Variants in ARPP21 observed in about 807,000 individuals in gnomAD.
The protein encoded by ARPP21 is cAMP-regulated phosphoprotein 21.
In ARPP21, 69 loss-of-function variants were observed where a neutral mutation model predicts 113.2. The observed-to-expected ratio is 0.61, with a 90% confidence interval of 0.50 to 0.74. The LOEUF (loss-of-function observed/expected upper bound fraction) is 0.74. Ranked by LOEUF, ARPP21 falls within the 30% of genes least tolerant of loss-of-function variation. The pLI is 0.00. For synonymous variants in ARPP21, 368 were observed against 375.5 expected (o/e 0.98, Z 0.23); for missense variants, 1,070 against 1,037.4 (o/e 1.03, Z -0.43).
chr3:35,678,082 A>G (rs1171218364), intron 1 of ARPP21, among the ~76,000 whole-genome samples: 9 of 151,960 alleles, frequency 5.9e-5, no homozygotes. Flanking sequence ...ACATATATCC[A>G]GGCTGTCCCT....
At chr3:35,688,527 AC>A (rs2149584735) in intron 6 of ARPP21, among the ~76,000 whole-genome samples, 1 of 151,750 alleles carries the variant, frequency 6.6e-6, no homozygotes, top group Admixed American at 6.6e-5. Flanking sequence ...ATGGTACAAA[AC>A]AAAACTAAGT....
At position 35,667,841 on chromosome 3, in the gene ARPP21, AAAGAAGAAGAAGAAG is replaced by A. The variant is rs757542723; in HGVS notation, c.-212-11911_-212-11897del. On this transcript the variant is annotated intron_variant, in intron 1 of 20. Transcript: ENST00000684406. ...GATCACCTGCAGTACTTTTATTCTCAAAGAAGAAGAAGAAGAAGAAGAAGAAGAAGAAGAAGAAGA... is the reference window on the plus strand; with the variant it reads ...GATCACCTGCAGTACTTTTATTCTCAAAGAAGAAGAAGAAGAAGAAGAAGA... 8.6e-5 allele frequency among the ~76,000 whole-genome samples: 7 copies of A among 81,544 alleles called. 1 individual carries two copies. Among genetic ancestry groups the A allele is most frequent in the South Asian group, 4.6e-4 (1 of 2,172 alleles). 53.5% of individuals were successfully genotyped at this position (81,544 alleles called of 152,430 possible).
In ARPP21 at chr3:35,674,531, G is replaced by A. The variant is rs368625344; in HGVS notation, c.-212-5256G>A. 8.6e-5 allele frequency among the ~76,000 whole-genome samples: 13 copies of A among 151,802 alleles called. No individual in the cohort carries two copies. The East Asian group carries it at 2.2e-3, about 25-fold the overall frequency. ...TTGTTCCACATTAAAAAATTATGATGCCTACCTACAAAACCTGGGTATACT... is the reference window on the plus strand; with the variant it reads ...TTGTTCCACATTAAAAAATTATGATACCTACCTACAAAACCTGGGTATACT... On this transcript the variant is annotated intron_variant, in intron 1 of 20. Coordinates refer to ENST00000684406, the MANE Select transcript of ARPP21 (RefSeq NM_001385562.1).
At position 35,707,354 on chromosome 3, in the gene ARPP21, G is replaced by T. The variant is rs575867966; in HGVS notation, c.795+272G>T. ...GCAGTTTCCGCTGCATGTCTGGGAG[G>T]GTCGGGATGCCACAGGCTCCGAGCT... On this transcript the variant is annotated intron_variant, in intron 10 of 20. Coordinates refer to ENST00000684406, the MANE Select transcript of ARPP21 (RefSeq NM_001385562.1). The T allele has an allele frequency of 2.5e-3, 1,528 of 607,740 alleles. 4 individuals carry two copies. The highest frequency in any genetic ancestry group is 3.1e-3 in the Non-Finnish European group (1,015 of 323,934). The allele number at this position is 607,740 out of a possible 1,614,324, so 37.6% of individuals were successfully genotyped here.
At chr3:35,771,129 C>T (rs185195772) in intron 19 of ARPP21, among the ~76,000 whole-genome samples, 8 of 152,216 alleles carry the variant, frequency 5.3e-5, no homozygotes, top group Admixed American at 1.3e-4. Context: ...TCTCTTTTGT[C>T]GAGTGCTATC....
chr3:35,685,786 G>A, intron 5 of ARPP21: 1 of 900,186 alleles, frequency 1.1e-6, no homozygotes, highest in Non-Finnish European at 1.3e-6. Context: ...TACTGTTGTT[G>A]GATATAAACT....
At chr3:35,772,868 C>T (rs2096248914) in intron 19 of ARPP21, among the ~76,000 whole-genome samples, 2 of 152,164 alleles carry the variant, frequency 1.3e-5, no homozygotes, top group Non-Finnish European at 2.9e-5. Flanking sequence ...GTGCCAGAGT[C>T]TGGATCAGCT....
At chr3:35,707,882 G>A (rs2089775896) in intron 10 of ARPP21, among the ~76,000 whole-genome samples, 3 of 152,062 alleles carry the variant, frequency 2.0e-5, no homozygotes, top group Admixed American at 2.0e-4. Flanking sequence ...ATTTTTAAAT[G>A]ATGATAACAA....
intron 19 of ARPP21, among the ~76,000 whole-genome samples, chr3:35,756,322 GAC>G (rs1377138194): frequency 1.3e-5 from 2 of 152,224 alleles, no homozygotes; most frequent in South Asian, 2.1e-4. Context: ...TTATGCGAGT[GAC>G]AGTCTTATGA....
chr3:35,658,352 T>C (rs1267281270), intron 1 of ARPP21, among the ~76,000 whole-genome samples: 1 of 152,086 alleles, frequency 6.6e-6, no homozygotes, highest in Non-Finnish European at 1.5e-5. Flanking sequence ...GTAGTGAGGA[T>C]TAAAAACACT....
At chr3:35,702,652 G>C (rs1276320064) in intron 9 of ARPP21, among the ~76,000 whole-genome samples, 1 of 151,572 alleles carries the variant, frequency 6.6e-6, no homozygotes, top group African/African-American at 2.4e-5. Context: ...ATTTTGCAAG[G>C]GTGTTTCAAA....
intron 1 of ARPP21, among the ~76,000 whole-genome samples, chr3:35,647,579 G>C (rs1460734694): frequency 6.6e-6 from 1 of 152,142 alleles, no homozygotes; most frequent in Non-Finnish European, 1.5e-5. Context: ...GGATTAAAAT[G>C]AAAGGTCCAG....
intron 4 of ARPP21, among the ~76,000 whole-genome samples, chr3:35,683,242 G>C (rs1191003422): frequency 1.3e-5 from 2 of 151,572 alleles, no homozygotes; most frequent in African/African-American, 4.8e-5. Flanking sequence ...ATGACCATTT[G>C]TTTTGTTTTT....
chr3:35,662,724 A>T, intron 1 of ARPP21, among the ~76,000 whole-genome samples: 1 of 152,122 alleles, frequency 6.6e-6, no homozygotes, highest in East Asian at 1.9e-4. Context: ...GAGGTAGTGC[A>T]GCTCTCTGCA....
At chr3:35,771,304 G>A (rs560789132) in intron 19 of ARPP21, among the ~76,000 whole-genome samples, 1 of 151,822 alleles carries the variant, frequency 6.6e-6, no homozygotes, top group East Asian at 1.9e-4. Flanking sequence ...TTTATGTGAA[G>A]TATCACATAA....
intron 20 of ARPP21, among the ~76,000 whole-genome samples, chr3:35,793,403 G>A (rs563914360): frequency 6.6e-6 from 1 of 152,318 alleles, no homozygotes; most frequent in Non-Finnish European, 1.5e-5. Context: ...AGGAAACTCA[G>A]AACTAACACC....
intron 18 of ARPP21, among the ~76,000 whole-genome samples, chr3:35,742,694 GAA>G (rs2094745552): frequency 6.6e-6 from 1 of 152,144 alleles, no homozygotes; most frequent in African/African-American, 2.4e-5. Context: ...TATTGAAATA[GAA>G]AAGTGTTTCC....
chr3:35,650,537 T>C (rs1295948322), intron 1 of ARPP21: 2 of 152,124 alleles, frequency 1.3e-5, no homozygotes, highest in Non-Finnish European at 2.9e-5. Flanking sequence ...AAAATCTTTC[T>C]TTACCAATAA....
At chr3:35,670,793 T>C (rs552332013) in intron 1 of ARPP21, among the ~76,000 whole-genome samples, 1 of 152,216 alleles carries the variant, frequency 6.6e-6, no homozygotes, top group Admixed American at 6.5e-5. Context: ...AATGTTTTCC[T>C]CCCAGGAATG....
Sources: allele counts gnomAD v4.1 joint callset (sites outside exome capture counted in the v4.1 genomes callset), GRCh38; gene constraint gnomAD v4.1.1; transcripts MANE v1.5; gene names NCBI Gene and HGNC (gene_info 2026-07-23, HGNC 2026-07-21).